TCF12: variants seen among roughly 807,000 people sequenced by gnomAD.
TCF12 encodes the protein transcription factor 12.
A neutral mutation model predicts 86.0 loss-of-function variants in TCF12; 45 were observed. The ratio of observed to expected loss-of-function variants is 0.52; its 90% CI spans 0.41 to 0.67. The LOEUF is 0.67. TCF12 is among the 30% of genes least tolerant of loss of function. TCF12 has a pLI of 0.00. For synonymous variants in TCF12, 330 were observed against 299.6 expected, an observed-to-expected ratio of 1.10 and a Z score of -1.05; for missense variants, 881 against 859.9, an observed-to-expected ratio of 1.02 and a Z score of -0.31.
At chr15:57,184,865 A>G (rs1490078061) in intron 6 of TCF12, among the ~76,000 whole-genome samples, 2 of 152,204 alleles carry the variant, frequency 1.3e-5, no homozygotes, top group Non-Finnish European at 2.9e-5. Context: ...CAGAAAATTC[A>G]TAGCTGATGG....
At chr15:57,101,267 ACAT>A (rs2049725342) in intron 5 of TCF12, among the ~76,000 whole-genome samples, 1 of 152,006 alleles carries the variant, frequency 6.6e-6, no homozygotes, top group Non-Finnish European at 1.5e-5. Context: ...GTGCAGTAAC[ACAT>A]CTATGGCTTA....
intron 3 of TCF12, among the ~76,000 whole-genome samples, chr15:56,966,230 C>T (rs1381835388): frequency 2.0e-5 from 3 of 151,876 alleles, no homozygotes; most frequent in Non-Finnish European, 4.4e-5. Flanking sequence ...TGGTGCAAAC[C>T]TAAGTTTTGC....
chr15:57,119,429 A>G (rs1426866008), intron 5 of TCF12, among the ~76,000 whole-genome samples: 1 of 149,568 alleles, frequency 6.7e-6, no homozygotes, highest in African/African-American at 2.5e-5. Flanking sequence ...CTGGAATTAT[A>G]GGCATGAGCC....
At chr15:56,918,375 C>A, upstream of TCF12, 1 of 383,736 alleles carries the variant, frequency 2.6e-6, no homozygotes, top group East Asian at 8.2e-5. Context: ...CACCCCGCTC[C>A]CAGGAGGCCC....
Position 57,270,571 on chromosome 15 carries a change from T to C in TCF12, c.1746-2459T>C, listed in dbSNP as rs960172944. On this transcript the variant is annotated intron_variant, in intron 18 of 20. Transcript: ENST00000333725. ...CCTGAAGCCTACTTCTGTCAACTCA[T>C]CAAACTCATTCTCCATCCAGTTTTG... 2.6e-5 allele frequency among the ~76,000 whole-genome samples: 4 copies of C among 152,202 alleles called. No individual in the cohort carries two copies. The South Asian group carries it at 8.3e-4, about 32-fold the overall frequency.
intron 3 of TCF12, among the ~76,000 whole-genome samples, chr15:56,931,195 A>C (rs1235018716): frequency 6.6e-6 from 1 of 152,074 alleles, no homozygotes; most frequent in Admixed American, 6.6e-5. Flanking sequence ...ACTTGTTTAT[A>C]TAAAGCAAAT....
chr15:56,982,346 C>T (rs1053718319), intron 3 of TCF12, among the ~76,000 whole-genome samples: 1 of 152,062 alleles, frequency 6.6e-6, no homozygotes, highest in East Asian at 1.9e-4. Context: ...TTAAAATGCT[C>T]CAAACAAGGT....
intron 19 of TCF12, among the ~76,000 whole-genome samples, chr15:57,276,227 A>G (rs2061390731): frequency 6.6e-6 from 1 of 152,224 alleles, no homozygotes; most frequent in East Asian, 1.9e-4. Flanking sequence ...TGGTTTTGAA[A>G]TCTGGCTGGT....
At chr15:57,247,264 A>G (rs2059908993) in intron 13 of TCF12, 1 of 647,164 alleles carries the variant, frequency 1.5e-6, no homozygotes, top group African/African-American at 1.8e-5. Flanking sequence ...TATATCCGCC[A>G]TCACCTCCTC....
chr15:57,180,272 T>C (rs1357776500), intron 6 of TCF12, among the ~76,000 whole-genome samples: 2 of 152,198 alleles, frequency 1.3e-5, no homozygotes, highest in Non-Finnish European at 2.9e-5. Context: ...GGTGAGAGAC[T>C]TCTTTATCAT....
In TCF12 at chr15:57,154,862, T is replaced by A. The variant is rs535467343; in HGVS notation, c.326-11540T>A. On this transcript the variant is annotated intron_variant, in intron 5 of 20. Coordinates refer to ENST00000333725, the MANE Select transcript of TCF12 (RefSeq NM_207037.2). The stretch of plus-strand genomic sequence containing the variant: ...GAATATTTAAGATATATATAGTCAA[T>A]ATAGTATTGTATAATATAGTCAAAT... 5.9e-5 allele frequency among the ~76,000 whole-genome samples: 9 copies of A among 152,328 alleles called. No individual in the cohort carries two copies. In the South Asian group the frequency reaches 1.9e-3, roughly 32 times the overall value.
intron 3 of TCF12, among the ~76,000 whole-genome samples, chr15:57,007,796 T>A (rs866343145): frequency 4.4e-5 from 6 of 136,696 alleles, no homozygotes; most frequent in Non-Finnish European, 7.7e-5. Flanking sequence ...CTTTCTCTCT[T>A]TCTTTCTTTC....
intron 6 of TCF12, among the ~76,000 whole-genome samples, chr15:57,178,526 AG>A (rs1184386212): frequency 6.6e-6 from 1 of 152,236 alleles, no homozygotes; most frequent in African/African-American, 2.4e-5. Context: ...TTCTGAAAAT[AG>A]TAGTGCTACT....
chr15:56,967,105 G>C (rs1402007898), intron 3 of TCF12, among the ~76,000 whole-genome samples: 2 of 151,474 alleles, frequency 1.3e-5, no homozygotes, highest in Admixed American at 1.3e-4. Context: ...CTGGGCAACA[G>C]AGCGAGACTC....
chr15:57,273,525 A>C (rs1208868309), intron 19 of TCF12, among the ~76,000 whole-genome samples: 5 of 152,084 alleles, frequency 3.3e-5, no homozygotes, highest in Non-Finnish European at 7.4e-5. Context: ...GCTGCTCAGC[A>C]ATAGTGCTTT....
At chr15:56,922,378 T>G (rs56193354) in intron 3 of TCF12, among the ~76,000 whole-genome samples, 1 of 152,068 alleles carries the variant, frequency 6.6e-6, no homozygotes, top group East Asian at 1.9e-4. Context: ...TACAATAACA[T>G]GAACTCCAGG....
At chr15:56,933,400 C>T (rs213154) in intron 3 of TCF12, among the ~76,000 whole-genome samples, 149,942 of 152,280 alleles carry the variant, frequency 0.98, 73,870 homozygotes, top group East Asian at 1. Flanking sequence ...GGTATTTGAG[C>T]GAGTACCTAC....
chr15:57,285,250 A>G (rs1270792785), intron 20 of TCF12, among the ~76,000 whole-genome samples: 1 of 152,192 alleles, frequency 6.6e-6, no homozygotes, highest in Non-Finnish European at 1.5e-5. Context: ...TGAATATCTT[A>G]GTTTTCCGTC....
intron 4 of TCF12, among the ~76,000 whole-genome samples, chr15:57,078,681 A>G (rs2070357038): frequency 6.6e-6 from 1 of 152,254 alleles, no homozygotes; most frequent in African/African-American, 2.4e-5. Context: ...GTAAAAAAAT[A>G]AGATGAGTGT....
Sources: gnomAD v4.1 joint callset for allele counts (sites outside exome capture counted in the v4.1 genomes callset) on GRCh38, gnomAD v4.1.1 for gene constraint, MANE v1.5 for transcripts, NCBI Gene and HGNC (gene_info 2026-07-23, HGNC 2026-07-21) for gene names.